CELF2: variants seen among roughly 807,000 people sequenced by gnomAD.
The protein encoded by CELF2 is CUGBP Elav-like family member 2, also known as CUG triplet repeat RNA-binding protein 2.
A neutral mutation model predicts 62.6 loss-of-function variants in CELF2; 8 were observed. The ratio of observed to expected loss-of-function variants is 0.13; its 90% CI spans 0.07 to 0.23. CELF2 has a LOEUF of 0.23. Among genes scored for constraint, CELF2 ranks in the 10% least tolerant of loss-of-function variants. CELF2 has a pLI of 1.00. For synonymous variants in CELF2, 258 were observed against 250.0 expected (o/e 1.03, Z -0.30); for missense variants, 333 against 671.0 (o/e 0.50, Z 5.56).
At chr10:10,462,615 C>CTTTTTTTTTTTATTT in the CELF2 span, among the ~76,000 whole-genome samples, 1 of 69,414 alleles carries the variant, frequency 1.4e-5, no homozygotes, top group Admixed American at 2.1e-4. Context: ...TTTTTTTCAT[C>CTTTTTTTTTTTATTT]TTTTTTTTTT....
At chr10:11,060,219 G>A (rs1300675810) in intron 1 of CELF2, among the ~76,000 whole-genome samples, 4 of 152,174 alleles carry the variant, frequency 2.6e-5, no homozygotes, top group Non-Finnish European at 4.4e-5. Flanking sequence ...AAAGAACATG[G>A]AATACACTTT....
the CELF2 span, among the ~76,000 whole-genome samples, chr10:10,775,899 T>G: frequency 1.3e-5 from 2 of 152,198 alleles, no homozygotes; most frequent in Non-Finnish European, 2.9e-5. Context: ...CTTAAGCTGG[T>G]CCTAGTTTCT....
the CELF2 span, among the ~76,000 whole-genome samples, chr10:10,469,483 C>A: frequency 6.6e-6 from 1 of 151,752 alleles, no homozygotes; most frequent in African/African-American, 2.4e-5. Context: ...CCCTTCTATG[C>A]CTGGTTTGCT....
Position 11,246,680 on chromosome 10 carries a change from C to T in CELF2, c.355-2473C>T, listed in dbSNP as rs1251076239. 6.6e-6 allele frequency among the ~76,000 whole-genome samples: 1 copy of T among 152,212 alleles called. No individual in the cohort carries two copies. Among genetic ancestry groups the T allele is most frequent in the Admixed American group, 6.5e-5 (1 of 15,284 alleles). ...CCAGTTGCTCCTGCAGCTCCTCCTG[C>T]CCCTCACTCTGCTCTCCTTGGACTC... On this transcript the variant is annotated intron_variant, in intron 3 of 12. Coordinates refer to ENST00000633077, the MANE Select transcript of CELF2 (RefSeq NM_001326342.2). This position sits in a 1 kb window ranked among gnomAD's most constrained non-coding sequence, Gnocchi z 4.6.
the CELF2 span, among the ~76,000 whole-genome samples, chr10:10,779,551 G>A: frequency 6.6e-6 from 1 of 151,984 alleles, no homozygotes; most frequent in South Asian, 2.1e-4. Flanking sequence ...ATGTGGCTGT[G>A]GAAAACTTTC....
the CELF2 span, among the ~76,000 whole-genome samples, chr10:10,731,226 G>A: frequency 6.6e-6 from 1 of 150,788 alleles, no homozygotes; most frequent in Admixed American, 6.6e-5. Context: ...TGTTAAGGAA[G>A]CAAAGATCCT....
intron 1 of CELF2, among the ~76,000 whole-genome samples, chr10:10,855,753 T>A (rs952655024): frequency 7.2e-5 from 11 of 152,214 alleles, no homozygotes; most frequent in African/African-American, 2.4e-4. Flanking sequence ...TAGGCACTAG[T>A]AATCAGCATT....
intron 1 of CELF2, among the ~76,000 whole-genome samples, chr10:11,076,925 G>A (rs1348941004): frequency 2.0e-5 from 3 of 152,158 alleles, no homozygotes; most frequent in African/African-American, 4.8e-5. Flanking sequence ...TTTGAAAAAA[G>A]CAGGTTATAG....
chr10:10,551,670 C>T, the CELF2 span, among the ~76,000 whole-genome samples: 2 of 152,168 alleles, frequency 1.3e-5, no homozygotes, highest in Non-Finnish European at 2.9e-5. Context: ...CCCACTAAGG[C>T]CTTCATTACA....
intron 1 of CELF2, among the ~76,000 whole-genome samples, chr10:10,816,641 TA>T (rs2056485337): frequency 6.6e-6 from 1 of 152,196 alleles, no homozygotes; most frequent in Non-Finnish European, 1.5e-5. Context: ...AGTCATATCT[TA>T]AAAATGCAAT....
chr10:11,111,379 A>G lies in CELF2; in HGVS notation c.75-54107A>G, dbSNP rs191764666. On this transcript the variant is annotated intron_variant, in intron 1 of 12. Coordinates refer to ENST00000633077, the MANE Select transcript of CELF2 (RefSeq NM_001326342.2). ...TTCTGTTGCGAGGCCTTTGTTACTGATAAGTGTTTGTCAGTTGTAGTTAAA... is the reference window on the plus strand; with the variant it reads ...TTCTGTTGCGAGGCCTTTGTTACTGGTAAGTGTTTGTCAGTTGTAGTTAAA... Among the ~76,000 whole-genome samples, 460 of 152,278 alleles carry G rather than the reference A, an allele frequency of 3.0e-3. 6 individuals are homozygous for G. The highest frequency in any genetic ancestry group is 0.01 in the African/African-American group (430 of 41,554).
intron 1 of CELF2, among the ~76,000 whole-genome samples, chr10:11,061,292 A>G (rs1408642432): frequency 6.6e-6 from 1 of 152,268 alleles, no homozygotes; most frequent in Non-Finnish European, 1.5e-5. Context: ...TCCTTAAGCC[A>G]AAGCTTAATC....
At chr10:10,598,948 C>G in the CELF2 span, among the ~76,000 whole-genome samples, 2 of 151,408 alleles carry the variant, frequency 1.3e-5, no homozygotes, top group Non-Finnish European at 2.9e-5. Context: ...AGATGGGGTT[C>G]GCCATGTTGG....
intron 2 of CELF2, among the ~76,000 whole-genome samples, chr10:10,981,836 T>C (rs960480613): frequency 4.6e-5 from 7 of 152,088 alleles, no homozygotes; most frequent in Admixed American, 4.6e-4. Context: ...ATTTTAAAGA[T>C]GAGAAAACCG....
At chr10:11,195,480 C>T (rs1279450702) in intron 2 of CELF2, among the ~76,000 whole-genome samples, 3 of 152,230 alleles carry the variant, frequency 2.0e-5, no homozygotes, top group Admixed American at 1.3e-4. Flanking sequence ...AAACCTTCCA[C>T]ATCCATCCAG....
In CELF2 at chr10:11,227,030, T is replaced by A. The variant is rs2066875082; in HGVS notation, c.354+9523T>A. Among the ~76,000 whole-genome samples, 1 of 152,128 alleles carries A rather than the reference T, an allele frequency of 6.6e-6. No homozygotes were observed. The highest frequency in any genetic ancestry group is 2.4e-5 in the African/African-American group (1 of 41,400). ...CCTCGCCATTGCTCTGCTTCCGTGTTCCACAGACAGGGGAAGGGCAAGTAT... is the reference window on the plus strand; with the variant it reads ...CCTCGCCATTGCTCTGCTTCCGTGTACCACAGACAGGGGAAGGGCAAGTAT... On this transcript the variant is annotated intron_variant, in intron 3 of 12. Coordinates refer to ENST00000633077, the MANE Select transcript of CELF2 (RefSeq NM_001326342.2). The surrounding 1 kb of genome is among the most constrained non-coding windows in gnomAD (Gnocchi z 4.8).
At chr10:11,303,362 A>G (rs1429342761) in intron 9 of CELF2, among the ~76,000 whole-genome samples, 1 of 152,170 alleles carries the variant, frequency 6.6e-6, no homozygotes, top group Non-Finnish European at 1.5e-5. Context: ...TGACTGGACT[A>G]ATGAGAAAGG....
At chr10:11,154,538 T>G (rs1028398524) in intron 1 of CELF2, among the ~76,000 whole-genome samples, 2 of 152,222 alleles carry the variant, frequency 1.3e-5, no homozygotes, top group African/African-American at 4.8e-5. Context: ...GCAAATTGTT[T>G]TGAGATTGTC....
the CELF2 span, among the ~76,000 whole-genome samples, chr10:10,597,939 A>G: frequency 1.3e-5 from 2 of 152,228 alleles, no homozygotes; most frequent in Non-Finnish European, 2.9e-5. Context: ...TTACTTTTCA[A>G]TAAGATGTAG....
Sources: allele counts gnomAD v4.1 joint callset (sites outside exome capture counted in the v4.1 genomes callset), GRCh38; gene constraint gnomAD v4.1.1; non-coding constraint Gnocchi (gnomAD v3.1); transcripts MANE v1.5; gene names NCBI Gene and HGNC (gene_info 2026-07-23, HGNC 2026-07-21).